Variants in SLIT2 observed in about 807,000 individuals in gnomAD.
SLIT2 encodes slit homolog 2 protein.
In SLIT2, 41 loss-of-function variants were observed where a neutral mutation model predicts 185.7. The ratio of observed to expected loss-of-function variants is 0.22; its 90% CI spans 0.17 to 0.29. The LOEUF is 0.29. Among genes scored for constraint, SLIT2 ranks in the 10% least tolerant of loss-of-function variants. The pLI is 1.00. For missense variants in SLIT2, 1,571 were observed against 1,909.0 expected, an observed-to-expected ratio of 0.82 and a Z score of 3.30; for synonymous variants, 693 against 680.2, an observed-to-expected ratio of 1.02 and a Z score of -0.29.
intron 4 of SLIT2, among the ~76,000 whole-genome samples, chr4:20,336,881 G>A (rs892756370): frequency 6.6e-6 from 1 of 152,142 alleles, no homozygotes; most frequent in Non-Finnish European, 1.5e-5. Flanking sequence ...TTTTAAAAAT[G>A]TTGACACCAT....
At chr4:20,370,130 T>TA (rs1216571847) in intron 4 of SLIT2, among the ~76,000 whole-genome samples, 2 of 151,972 alleles carry the variant, frequency 1.3e-5, no homozygotes, top group African/African-American at 4.8e-5. Flanking sequence ...TGTGATCTGA[T>TA]AAAGTTTGAG....
chr4:20,282,798 C>T (rs1038689896), intron 4 of SLIT2, among the ~76,000 whole-genome samples: 1 of 152,156 alleles, frequency 6.6e-6, no homozygotes, highest in African/African-American at 2.4e-5. Flanking sequence ...GAGAGCAAAA[C>T]CAGTTTTTAG....
intron 5 of SLIT2, among the ~76,000 whole-genome samples, chr4:20,472,386 G>GAGATATAGATATCTATATATCTATA (rs1560453735): frequency 2.6e-5 from 1 of 38,402 alleles, no homozygotes; most frequent in South Asian, 1.3e-3. Context: ...CTATATATAT[G>GAGATATAGATATCTATATATCTATA]TAGATATATA....
At chr4:20,315,626 T>G (rs1718508256) in intron 4 of SLIT2, among the ~76,000 whole-genome samples, 1 of 152,062 alleles carries the variant, frequency 6.6e-6, no homozygotes, top group Admixed American at 6.5e-5. Context: ...TTCTCATTGA[T>G]AAAATTATCA....
intron 4 of SLIT2, among the ~76,000 whole-genome samples, chr4:20,346,588 G>A (rs901925937): frequency 9.9e-5 from 15 of 152,170 alleles, no homozygotes; most frequent in Admixed American, 7.9e-4. Flanking sequence ...AGTTTATTAA[G>A]GAGAAGTGAC....
At chr4:20,320,757 A>G (rs1194773745) in intron 4 of SLIT2, among the ~76,000 whole-genome samples, 2 of 152,186 alleles carry the variant, frequency 1.3e-5, no homozygotes, top group Admixed American at 1.3e-4. Context: ...CAGGATGTAC[A>G]GATCTGCATA....
At chr4:20,482,679 T>G (rs1716822582) in intron 6 of SLIT2, among the ~76,000 whole-genome samples, 1 of 152,120 alleles carries the variant, frequency 6.6e-6, no homozygotes, top group South Asian at 2.1e-4. Flanking sequence ...GACCTTAATA[T>G]ATACATCTTA....
chr4:20,508,482 T>C (rs1043394347), intron 9 of SLIT2, among the ~76,000 whole-genome samples: 1 of 152,082 alleles, frequency 6.6e-6, no homozygotes, highest in Admixed American at 6.6e-5. Flanking sequence ...TTAAAAGTAA[T>C]GTCTTACAAA....
At chr4:20,568,817 A>G in intron 28 of SLIT2, 48 bp from the exon 29 acceptor site, 1 of 1,575,668 alleles carries the variant, frequency 6.3e-7, no homozygotes, top group South Asian at 1.2e-5. Context: ...ACATGACTTT[A>G]AAATGCAACA....
At chr4:20,519,233 T>A (rs951645383) in intron 11 of SLIT2, 149 bp from the exon 12 acceptor site, 3 of 620,794 alleles carry the variant, frequency 4.8e-6, no homozygotes, top group Non-Finnish European at 8.5e-6. Context: ...GCAAAAGACA[T>A]TTGCAAATGG....
At chr4:20,416,512 A>G (rs1727701088) in intron 4 of SLIT2, among the ~76,000 whole-genome samples, 1 of 152,140 alleles carries the variant, frequency 6.6e-6, no homozygotes, top group Non-Finnish European at 1.5e-5. Context: ...TTAATCCATA[A>G]AACCCTCTTT....
chr4:20,441,501 T>G (rs532742920), intron 4 of SLIT2, among the ~76,000 whole-genome samples: 1,761 of 134,652 alleles, frequency 0.013, 56 homozygotes, highest in African/African-American at 0.045. Flanking sequence ...TCTCTCTCTC[T>G]CGCCCCCCCC....
intron 18 of SLIT2, among the ~76,000 whole-genome samples, chr4:20,537,735 A>G (rs916783474): frequency 6.6e-6 from 1 of 152,102 alleles, no homozygotes; most frequent in Non-Finnish European, 1.5e-5. Flanking sequence ...TTTTATCTGA[A>G]CATACCTATT....
intron 5 of SLIT2, among the ~76,000 whole-genome samples, chr4:20,474,004 T>C (rs544154444): frequency 1.3e-5 from 2 of 152,032 alleles, no homozygotes; most frequent in Non-Finnish European, 2.9e-5. Flanking sequence ...AGCTCTTTCC[T>C]AGAGTATTTT....
chr4:20,561,160 G>A (rs1234524841), intron 26 of SLIT2, among the ~76,000 whole-genome samples: 1 of 151,728 alleles, frequency 6.6e-6, no homozygotes, highest in African/African-American at 2.4e-5. Context: ...GTAGCCATGA[G>A]CTCAAAAGAA....
At chr4:20,422,033 A>C (rs190311358) in intron 4 of SLIT2, among the ~76,000 whole-genome samples, 62 of 152,266 alleles carry the variant, frequency 4.1e-4, no homozygotes, top group African/African-American at 1.5e-3. Context: ...TGTCACTACC[A>C]AGATTTCAGA....
intron 24 of SLIT2, among the ~76,000 whole-genome samples, 174 bp from the exon 25 acceptor site, chr4:20,550,652 AG>A (rs1359158215): frequency 6.6e-6 from 1 of 152,052 alleles, no homozygotes; most frequent in Non-Finnish European, 1.5e-5. Context: ...ACATAATGTG[AG>A]GTGGAAGCCA....
At chr4:20,260,950 C>T (rs932212553) in intron 3 of SLIT2, among the ~76,000 whole-genome samples, 1 of 151,686 alleles carries the variant, frequency 6.6e-6, no homozygotes, top group Non-Finnish European at 1.5e-5. Context: ...TCCTTCCCTC[C>T]CCTCTCCTCC....
At chr4:20,597,287 C>T (rs1423508016) in intron 32 of SLIT2, among the ~76,000 whole-genome samples, 2 of 151,956 alleles carry the variant, frequency 1.3e-5, no homozygotes, top group East Asian at 1.9e-4. Context: ...AGGATGGTCT[C>T]GAACTCCTAA....
Sources: allele counts gnomAD v4.1 joint callset (sites outside exome capture counted in the v4.1 genomes callset), GRCh38; gene constraint gnomAD v4.1.1; transcripts MANE v1.5; gene names NCBI Gene and HGNC (gene_info 2026-07-23, HGNC 2026-07-21).